The following PPP4R4 variants were observed in gnomAD, a reference collection of about 807,000 sequenced individuals.
PPP4R4 encodes the protein protein phosphatase 4 regulatory subunit 4.
PPP4R4 carries 70 observed loss-of-function variants against 121.8 expected under a neutral mutation model. The ratio of observed to expected loss-of-function variants is 0.57; its 90% CI spans 0.47 to 0.70. The LOEUF (loss-of-function observed/expected upper bound fraction) is 0.70. Ranked by LOEUF, PPP4R4 falls within the 30% of genes least tolerant of loss-of-function variation. The probability of loss-of-function intolerance (pLI) is 0.00; values close to 1 mark genes in which losing one functional copy is unlikely to be tolerated. For missense variants in PPP4R4, 875 were observed against 1,033.6 expected (o/e 0.85, Z 2.10); for synonymous variants, 348 against 355.7 (o/e 0.98, Z 0.24).
At chr14:94,184,696 T>C (rs927485350) in intron 2 of PPP4R4, among the ~76,000 whole-genome samples, 2 of 152,236 alleles carry the variant, frequency 1.3e-5, no homozygotes, top group East Asian at 3.8e-4. Context: ...CTATCAAATG[T>C]GGAAAGCATA....
At chr14:94,237,724 T>C in intron 8 of PPP4R4, 38 bp downstream of exon 8, 1 of 1,594,560 alleles carries the variant, frequency 6.3e-7, no homozygotes, top group South Asian at 1.1e-5. Context: ...CTGAAAACAG[T>C]GTTTTTCTAC....
intron 3 of PPP4R4, among the ~76,000 whole-genome samples, chr14:94,226,465 C>T (rs1274855359): frequency 1.3e-5 from 2 of 152,074 alleles, no homozygotes; most frequent in Non-Finnish European, 2.9e-5. Flanking sequence ...TAGTCCTTTA[C>T]ACCCTTTATT....
At chr14:94,238,212 C>A (rs995162393) in intron 8 of PPP4R4, among the ~76,000 whole-genome samples, 1 of 152,208 alleles carries the variant, frequency 6.6e-6, no homozygotes, top group Non-Finnish European at 1.5e-5. Flanking sequence ...GTGGGTGGAC[C>A]CATGCGGCCC....
At chr14:94,264,761 A>T (rs1893949888) in intron 19 of PPP4R4, 117 bp from the exon 20 acceptor site, 2 of 771,064 alleles carry the variant, frequency 2.6e-6, no homozygotes, top group Non-Finnish European at 4.4e-6. Context: ...GGAAAAAAAT[A>T]CTTCTTTTAG....
Position 94,265,491 on chromosome 14 carries a change from T to G in PPP4R4, c.2284+18T>G. 6.4e-7 allele frequency: 1 copy of G among 1,569,790 alleles called. No homozygotes were observed. Among genetic ancestry groups the G allele is most frequent in the Non-Finnish European group, 8.8e-7 (1 of 1,140,582 alleles). On this transcript the variant is annotated intron_variant, in intron 21 of 24. Transcript: ENST00000304338. ...ATCGACAAGTAAGAAATAACTTCTT[T>G]TTATATCTTTTTGTAATTTTTCTTC...
In PPP4R4 at chr14:94,279,092, T is replaced by TA. The variant is rs1194289430; in HGVS notation, c.*450dup. The TA allele has an allele frequency of 6.6e-6, 1 of 152,384 alleles. No homozygotes were observed. The highest frequency in any genetic ancestry group is 1.5e-5 in the Non-Finnish European group (1 of 68,076). The allele number at this position is 152,384 out of a possible 1,614,324, so 9.4% of individuals were successfully genotyped here. ...AGGGGGACTTGGAAGGTGAGAAAGA[T>TA]ACTGCATTTTCTCATGAGTCTCCAA... On this transcript the variant is annotated 3_prime_UTR_variant, in exon 25 of 25. Transcript: ENST00000304338.
intron 2 of PPP4R4, among the ~76,000 whole-genome samples, chr14:94,180,307 T>G (rs1421669952): frequency 6.6e-6 from 1 of 152,242 alleles, no homozygotes; most frequent in Non-Finnish European, 1.5e-5. Context: ...TAACTTCGTT[T>G]GCTAATAGTA....
intron 15 of PPP4R4, among the ~76,000 whole-genome samples, chr14:94,251,021 A>G (rs187200376): frequency 2.8e-3 from 430 of 152,120 alleles, no homozygotes; most frequent in Non-Finnish European, 5.2e-3. Context: ...TTAAGAAAAA[A>G]TATGCTCAGT....
At chr14:94,247,129 A>G (rs1892937872) in intron 14 of PPP4R4, among the ~76,000 whole-genome samples, 1 of 152,242 alleles carries the variant, frequency 6.6e-6, no homozygotes, top group Non-Finnish European at 1.5e-5. Context: ...AAGCCTCCCC[A>G]CAAAGTTAAT....
At chr14:94,258,737 TTTTAA>T in intron 17 of PPP4R4, 41 bp from the exon 18 acceptor site, 1 of 1,383,604 alleles carries the variant, frequency 7.2e-7, no homozygotes, top group African/African-American at 1.4e-5. Context: ...TGATTGGTTG[TTTTAA>T]TTTAATTACT....
intron 2 of PPP4R4, among the ~76,000 whole-genome samples, chr14:94,190,166 C>T (rs1326818040): frequency 2.6e-5 from 4 of 151,948 alleles, no homozygotes; most frequent in African/African-American, 9.7e-5. Flanking sequence ...GGCAGTGTGC[C>T]ACCACACCTG....
chr14:94,271,783 T>C (rs545007449), intron 23 of PPP4R4, among the ~76,000 whole-genome samples: 2 of 152,206 alleles, frequency 1.3e-5, no homozygotes, highest in Non-Finnish European at 2.9e-5. Context: ...AAGAAGTGAT[T>C]ATGGCAAGGT....
At chr14:94,235,566 A>T (rs1172572309) in intron 7 of PPP4R4, among the ~76,000 whole-genome samples, 1 of 151,188 alleles carries the variant, frequency 6.6e-6, no homozygotes, top group Non-Finnish European at 1.5e-5. Context: ...CGCCCGGCTA[A>T]TTTTTTGTAT....
intron 2 of PPP4R4, among the ~76,000 whole-genome samples, chr14:94,181,666 A>G (rs1204075891): frequency 1.3e-5 from 2 of 152,180 alleles, no homozygotes. Context: ...TTGCTTATGA[A>G]GCAGTCTGAA....
At chr14:94,208,616 ATGT>A in intron 3 of PPP4R4, 50 bp downstream of exon 3, 1 of 1,449,990 alleles carries the variant, frequency 6.9e-7, no homozygotes, top group African/African-American at 1.4e-5. Context: ...TCCCAGTAGC[ATGT>A]TGTCATTGTT....
At position 94,227,681 on chromosome 14, in the gene PPP4R4, G is replaced by A. The variant is rs1478014883; in HGVS notation, c.295-2906G>A. On this transcript the variant is annotated intron_variant, in intron 3 of 24. Coordinates refer to ENST00000304338, the MANE Select transcript of PPP4R4 (RefSeq NM_058237.2). ...CTTCCTTTGTATAAAGTTTGCATAC[G>A]TACAAAACCCAGGACTTTAATGACT... The A allele has an allele frequency of 5.7e-6, 6 of 1,059,560 alleles. No homozygotes were observed. In the African/African-American group the frequency reaches 8.4e-5, roughly 15 times the overall value. 65.6% of individuals were successfully genotyped at this position (1,059,560 alleles called of 1,614,324 possible).
At chr14:94,198,126 A>G (rs1889981883) in intron 2 of PPP4R4, among the ~76,000 whole-genome samples, 1 of 152,172 alleles carries the variant, frequency 6.6e-6, no homozygotes, top group African/African-American at 2.4e-5. Context: ...CTTTTCCAAA[A>G]TGATCGTATT....
intron 7 of PPP4R4, among the ~76,000 whole-genome samples, 170 bp from the exon 8 acceptor site, chr14:94,237,395 A>G (rs1395656381): frequency 6.6e-6 from 1 of 152,182 alleles, no homozygotes; most frequent in Admixed American, 6.5e-5. Context: ...AATGTTTCTT[A>G]TATGTATGGT....
intron 3 of PPP4R4, among the ~76,000 whole-genome samples, chr14:94,212,431 AT>A (rs1373774731): frequency 6.6e-6 from 1 of 152,116 alleles, no homozygotes; most frequent in African/African-American, 2.4e-5. Context: ...AATCCATAGT[AT>A]TTCCCCAATT....
Sources: gnomAD v4.1 joint callset for allele counts (sites outside exome capture counted in the v4.1 genomes callset) on GRCh38, gnomAD v4.1.1 for gene constraint, MANE v1.5 for transcripts, NCBI Gene and HGNC (gene_info 2026-07-23, HGNC 2026-07-21) for gene names.